Variants in TRPS1 observed in about 807,000 individuals in gnomAD.
TRPS1 encodes the protein zinc finger transcription factor Trps1.
In TRPS1, 6 loss-of-function variants were observed where a neutral mutation model predicts 101.2. That is an observed-to-expected ratio of 0.06 (90% CI 0.03 to 0.12). TRPS1 has a LOEUF of 0.12. Ranked by LOEUF, TRPS1 falls within the 10% of genes least tolerant of loss-of-function variation. TRPS1 has a pLI of 1.00. For synonymous variants in TRPS1, 578 were observed against 589.8 expected (o/e 0.98, Z 0.29); for missense variants, 1,363 against 1,567.0 (o/e 0.87, Z 2.20).
At chr8:115,542,817 T>G (rs1198118039) in intron 5 of TRPS1, among the ~76,000 whole-genome samples, 1 of 152,182 alleles carries the variant, frequency 6.6e-6, no homozygotes, top group East Asian at 1.9e-4. Flanking sequence ...TAACTATTAT[T>G]ATTATGAGAG....
intron 5 of TRPS1, among the ~76,000 whole-genome samples, chr8:115,503,037 G>A (rs1815355679): frequency 6.6e-6 from 1 of 152,008 alleles, no homozygotes; most frequent in Non-Finnish European, 1.5e-5. Context: ...GCTGAGGCAG[G>A]CAAATCTCCA....
At chr8:115,455,313 TAGG>T (rs1813989045) in intron 5 of TRPS1, among the ~76,000 whole-genome samples, 8 of 152,256 alleles carry the variant, frequency 5.3e-5, no homozygotes, top group Admixed American at 5.2e-4. Flanking sequence ...TATTTAGTAA[TAGG>T]AGTTCACGTA....
chr8:115,420,674 A>G (rs1286469402), intron 5 of TRPS1, among the ~76,000 whole-genome samples: 1 of 152,186 alleles, frequency 6.6e-6, no homozygotes, highest in East Asian at 1.9e-4. Flanking sequence ...AATGCCTTTC[A>G]TTAGTTAGAG....
chr8:115,522,711 T>C (rs546427675), intron 5 of TRPS1, among the ~76,000 whole-genome samples: 6 of 152,252 alleles, frequency 3.9e-5, no homozygotes, highest in African/African-American at 1.4e-4. Flanking sequence ...CACTACATAT[T>C]ATGTTAATGT....
At position 115,417,845 on chromosome 8, in the gene TRPS1, C is replaced by T. The variant is rs965567923; in HGVS notation, c.2823+485G>A. 7.2e-5 allele frequency among the ~76,000 whole-genome samples: 11 copies of T among 152,102 alleles called. 1 individual carries two copies. The highest frequency in any genetic ancestry group is 2.6e-4 in the Admixed American group (4 of 15,268). On this transcript the variant is annotated intron_variant, in intron 6 of 6. Coordinates refer to ENST00000395715, the MANE Select transcript of TRPS1 (RefSeq NM_014112.5). ...CTAATTCAGTTCAGAACTGTCCTTCCGAATGTGCCCCTCCAGCCCCTAAAG... is the reference window on the plus strand; with the variant it reads ...CTAATTCAGTTCAGAACTGTCCTTCTGAATGTGCCCCTCCAGCCCCTAAAG...
chr8:115,508,269 C>T (rs955873664), intron 5 of TRPS1, among the ~76,000 whole-genome samples: 2 of 152,036 alleles, frequency 1.3e-5, no homozygotes, highest in Admixed American at 6.6e-5. Flanking sequence ...ATTGATGGCA[C>T]GAACTTTCCT....
chr8:115,623,239 T>C (rs939059800), intron 2 of TRPS1, among the ~76,000 whole-genome samples: 1 of 152,022 alleles, frequency 6.6e-6, no homozygotes, highest in Non-Finnish European at 1.5e-5. Context: ...CAAAGAAATC[T>C]CTGAAAGGTC....
intron 4 of TRPS1, among the ~76,000 whole-genome samples, chr8:115,603,057 T>C (rs1817944639): frequency 1.3e-5 from 2 of 152,194 alleles, no homozygotes; most frequent in African/African-American, 4.8e-5. Context: ...GGGCACTGAC[T>C]ATGTCTTCTC....
chr8:115,599,740 T>A (rs190081107), intron 4 of TRPS1, among the ~76,000 whole-genome samples: 1 of 152,198 alleles, frequency 6.6e-6, no homozygotes. Flanking sequence ...CAATCTATCA[T>A]TGGTGGACAT....
chr8:115,495,430 G>A (rs1197042038), intron 5 of TRPS1, among the ~76,000 whole-genome samples: 1 of 150,814 alleles, frequency 6.6e-6, no homozygotes, highest in Non-Finnish European at 1.5e-5. Context: ...GTCAGAAAAG[G>A]AGAAGCCAAA....
chr8:115,575,627 T>C lies in TRPS1; in HGVS notation c.2700+11374A>G, dbSNP rs191793678. Among the ~76,000 whole-genome samples the C allele has an allele frequency of 1.7e-3, 262 of 152,192 alleles. 2 individuals are homozygous for C. The highest frequency in any genetic ancestry group is 6.1e-3 in the African/African-American group (254 of 41,562). ...CCAATTTGTTTCTCCACTTAATCCC[T>C]AGCCTCACCCTAGAGGCCACCTCCT... On this transcript the variant is annotated intron_variant, in intron 5 of 6. Coordinates refer to ENST00000395715, the MANE Select transcript of TRPS1 (RefSeq NM_014112.5).
At chr8:115,631,388 AATTCAATATATATAAATAGCTAC>A (rs1411329505) in intron 1 of TRPS1, among the ~76,000 whole-genome samples, 2 of 152,078 alleles carry the variant, frequency 1.3e-5, no homozygotes, top group African/African-American at 4.8e-5. Flanking sequence ...GATATAAAAT[AATTCAATATATATAAATAGCTAC>A]ATCTCATCAG....
At chr8:115,593,101 C>T (rs1473579336) in intron 4 of TRPS1, among the ~76,000 whole-genome samples, 2 of 152,100 alleles carry the variant, frequency 1.3e-5, no homozygotes, top group South Asian at 2.1e-4. Context: ...TAGAGGCATG[C>T]ACCACCATAC....
chr8:115,612,794 T>G lies in TRPS1; in HGVS notation c.966+6338A>C, dbSNP rs144526060. 7.9e-5 allele frequency among the ~76,000 whole-genome samples: 12 copies of G among 152,286 alleles called. No homozygotes were observed. The East Asian group carries it at 2.3e-3, about 29-fold the overall frequency. The stretch of plus-strand genomic sequence containing the variant: ...CACTATGTCCCACCCGTCTATTGCT[T>G]TCTGAATTCAATGAAATCACACAGC... On this transcript the variant is annotated intron_variant, in intron 3 of 6. Coordinates refer to ENST00000395715, the MANE Select transcript of TRPS1 (RefSeq NM_014112.5).
intron 5 of TRPS1, among the ~76,000 whole-genome samples, chr8:115,462,530 G>A (rs1348991789): frequency 2.0e-5 from 3 of 151,962 alleles, no homozygotes; most frequent in Admixed American, 2.0e-4. Flanking sequence ...GAGGACATCC[G>A]ACACATGAGT....
intron 5 of TRPS1, among the ~76,000 whole-genome samples, chr8:115,451,461 A>G (rs1386532201): frequency 6.6e-6 from 1 of 152,200 alleles, no homozygotes; most frequent in Non-Finnish European, 1.5e-5. Context: ...TCAAACAGGA[A>G]TGGAACTGAT....
At chr8:115,425,855 C>G (rs1413729318) in intron 5 of TRPS1, among the ~76,000 whole-genome samples, 1 of 152,188 alleles carries the variant, frequency 6.6e-6, no homozygotes. Context: ...AAACCAAACA[C>G]CCTGTGTCAT....
chr8:115,612,334 TAGAACAAC>T (rs1818189479), intron 3 of TRPS1, among the ~76,000 whole-genome samples: 1 of 151,726 alleles, frequency 6.6e-6, no homozygotes, highest in Admixed American at 6.6e-5. Context: ...AAGATAAAGC[TAGAACAAC>T]AGAAAAGAAA....
At chr8:115,568,688 C>T (rs968376621) in intron 5 of TRPS1, among the ~76,000 whole-genome samples, 12 of 152,166 alleles carry the variant, frequency 7.9e-5, no homozygotes, top group Admixed American at 2.0e-4. Context: ...ATCAAAATTT[C>T]ACATAGTTCC....
Sources: gnomAD v4.1 joint callset for allele counts (sites outside exome capture counted in the v4.1 genomes callset) on GRCh38, gnomAD v4.1.1 for gene constraint, MANE v1.5 for transcripts, NCBI Gene and HGNC (gene_info 2026-07-23, HGNC 2026-07-21) for gene names.